The following DIAPH2 variants were observed in gnomAD, a reference collection of about 807,000 sequenced individuals.
The protein encoded by DIAPH2 is protein diaphanous homolog 2.
In DIAPH2, 35 loss-of-function variants were observed where a neutral mutation model predicts 92.7. The ratio of observed to expected loss-of-function variants is 0.38; its 90% CI spans 0.29 to 0.50. The LOEUF is 0.50. Ranked by LOEUF, DIAPH2 falls within the 20% of genes least tolerant of loss-of-function variation. DIAPH2 has a pLI of 0.94. For synonymous variants in DIAPH2, 301 were observed against 280.4 expected (o/e 1.07, Z -0.73); for missense variants, 701 against 819.5 (o/e 0.86, Z 1.77).
chrX:97,583,056 A>T lies in DIAPH2; in HGVS notation c.3242-16197A>T, dbSNP rs763314040. Among the ~76,000 whole-genome samples, 26 of 111,135 alleles carry T rather than the reference A, an allele frequency of 2.3e-4. No individual in the cohort carries two copies. The South Asian group carries it at 3.1e-3, about 13-fold the overall frequency. On this transcript the variant is annotated intron_variant, in intron 26 of 26. Transcript: ENST00000324765. The stretch of plus-strand genomic sequence containing the variant: ...CTTTAAGCACTTCTCTGTATTGGTT[A>T]TTCTAGTTATACATTCTTCTAAATT...
intron 3 of DIAPH2, among the ~76,000 whole-genome samples, chrX:96,750,100 C>T (rs1394300484): frequency 1.0e-5 from 1 of 98,632 alleles, no homozygotes; most frequent in African/African-American, 3.8e-5. Context: ...CTCTGTCACC[C>T]AGGCTGGAGT....
chrX:97,193,528 T>A (rs943264884), intron 22 of DIAPH2, among the ~76,000 whole-genome samples: 20 of 111,735 alleles, frequency 1.8e-4, no homozygotes, highest in Non-Finnish European at 3.4e-4. Flanking sequence ...ATTTAAGGCC[T>A]TTTATTGTCC....
intron 26 of DIAPH2, among the ~76,000 whole-genome samples, chrX:97,432,546 G>A (rs2070137889): frequency 9.0e-6 from 1 of 111,033 alleles, no homozygotes; most frequent in Admixed American, 9.6e-5. Flanking sequence ...CAGTACAGTG[G>A]CATGATCTTG....
chrX:96,768,469 T>G (rs1395345499), intron 4 of DIAPH2, among the ~76,000 whole-genome samples: 1 of 111,858 alleles, frequency 8.9e-6, no homozygotes, highest in East Asian at 2.8e-4. Context: ...GGTGCTGGAA[T>G]GATGAACCAT....
chrX:96,979,429 A>C (rs1332526294), intron 17 of DIAPH2, among the ~76,000 whole-genome samples: 2 of 112,035 alleles, frequency 1.8e-5, no homozygotes, highest in African/African-American at 6.5e-5. Context: ...TTTCACTCCC[A>C]CTAAAATGTA....
intron 22 of DIAPH2, among the ~76,000 whole-genome samples, chrX:97,153,839 A>G (rs1050826660): frequency 1.6e-4 from 18 of 111,317 alleles, no homozygotes; most frequent in Admixed American, 7.7e-4. Context: ...AAAATTTCCA[A>G]TATCCTATTT....
chrX:96,813,780 T>C (rs752144386), intron 4 of DIAPH2, among the ~76,000 whole-genome samples: 2 of 111,995 alleles, frequency 1.8e-5, no homozygotes, highest in East Asian at 5.6e-4. Flanking sequence ...CCTTCACTTA[T>C]GAAGCTTAGT....
chrX:97,555,976 G>C (rs2071254109), intron 26 of DIAPH2, among the ~76,000 whole-genome samples: 1 of 111,942 alleles, frequency 8.9e-6, no homozygotes, highest in South Asian at 3.8e-4. Flanking sequence ...TCCAGCATTA[G>C]ATGGCCCATT....
rs1169242843 is a variant in DIAPH2, at chrX:97,011,891, CAAAAAAAAAAAAAAA to C, written c.2050+46698_2050+46712del. On this transcript the variant is annotated intron_variant, in intron 17 of 26. Transcript: ENST00000324765. ...TGGTTGACAGAGCAAGACACTGTCT[CAAAAAAAAAAAAAAA>C]AAAAAAAAAAAAAGAGGGATTTGCT... Among the ~76,000 whole-genome samples the C allele has an allele frequency of 6.2e-5, 2 of 32,203 alleles. 1 individual carries two copies. Among genetic ancestry groups the C allele is most frequent in the East Asian group, 2.5e-3 (2 of 797 alleles). The allele number at this position is 32,203 out of a possible 115,157, so 28.0% of individuals were successfully genotyped here.
chrX:96,993,510 T>G (rs1235171603), intron 17 of DIAPH2, among the ~76,000 whole-genome samples: 2 of 111,602 alleles, frequency 1.8e-5, no homozygotes, highest in Non-Finnish European at 3.8e-5. Flanking sequence ...TTGACATGGC[T>G]GGCAGGAAAG....
intron 22 of DIAPH2, among the ~76,000 whole-genome samples, chrX:97,242,939 C>T (rs919471752): frequency 4.6e-5 from 5 of 108,399 alleles, no homozygotes; most frequent in Admixed American, 1.0e-4. Flanking sequence ...GGCGCCCGCC[C>T]CCACGCCTGG....
chrX:97,031,976 C>G, intron 17 of DIAPH2, among the ~76,000 whole-genome samples: 1 of 111,589 alleles, frequency 9.0e-6, no homozygotes, highest in Non-Finnish European at 1.9e-5. Context: ...TCAAGAAACT[C>G]TAAGTTGTTT....
At chrX:96,765,714 C>T (rs981702742) in intron 4 of DIAPH2, among the ~76,000 whole-genome samples, 1 of 110,729 alleles carries the variant, frequency 9.0e-6, no homozygotes, top group South Asian at 3.9e-4. Context: ...TACTATATTT[C>T]CCTCCTCAAA....
chrX:97,148,834 G>A (rs1239716367), intron 22 of DIAPH2, among the ~76,000 whole-genome samples: 1 of 111,619 alleles, frequency 9.0e-6, no homozygotes, highest in Non-Finnish European at 1.9e-5. Context: ...AGGTAAATTA[G>A]AATAAGGAGG....
chrX:96,867,058 G>T lies in DIAPH2; in HGVS notation c.448-14521G>T, dbSNP rs1194714238. On this transcript the variant is annotated intron_variant, in intron 4 of 26. Coordinates refer to ENST00000324765, the MANE Select transcript of DIAPH2 (RefSeq NM_006729.5). Reference sequence around the variant, plus strand: ...TCTGTAAAAGTAATGCCATCATATTGGGTAATGCCATACTGCTGTTTCTAT... The same window carrying T: ...TCTGTAAAAGTAATGCCATCATATTTGGTAATGCCATACTGCTGTTTCTAT... 6.3e-5 allele frequency among the ~76,000 whole-genome samples: 7 copies of T among 111,695 alleles called. No homozygotes were observed. The South Asian group carries it at 2.6e-3, about 42-fold the overall frequency.
intron 22 of DIAPH2, among the ~76,000 whole-genome samples, chrX:97,142,401 A>G (rs1268257917): frequency 9.0e-6 from 1 of 111,438 alleles, no homozygotes; most frequent in Non-Finnish European, 1.9e-5. Context: ...CAACATGAGC[A>G]AGGCAAAGTG....
chrX:97,301,283 T>C (rs1462600385), intron 23 of DIAPH2, among the ~76,000 whole-genome samples: 1 of 111,262 alleles, frequency 9.0e-6, no homozygotes, highest in Non-Finnish European at 1.9e-5. Flanking sequence ...ACATGAGTCA[T>C]GCCCTCTATG....
At chrX:97,081,084 T>G (rs775510941) in intron 19 of DIAPH2, among the ~76,000 whole-genome samples, 6 of 112,214 alleles carry the variant, frequency 5.3e-5, no homozygotes, top group Non-Finnish European at 7.5e-5. Flanking sequence ...ATGTTCATTT[T>G]CATAATTCTT....
chrX:96,685,172 GA>G lies in DIAPH2; in HGVS notation c.119del (p.Asn40ThrfsTer5). 9.9e-7 allele frequency: 1 copy of G among 1,008,780 alleles called. No homozygotes were observed. The highest frequency in any genetic ancestry group is 1.3e-6 in the Non-Finnish European group (1 of 787,860). The allele number at this position is 1,008,780 out of a possible 1,213,427, so 83.1% of individuals were successfully genotyped here. ...GNRAANEEET[K>X]NKPKLNIQIK... Reference sequence around the variant, plus strand: ...ACCGGGCCGCCAATGAAGAGGAAACGAAAAACAAACCCAAATTGGTGAGTGC... The same window carrying G: ...ACCGGGCCGCCAATGAAGAGGAAACGAAAACAAACCCAAATTGGTGAGTGC... On this transcript the variant is annotated frameshift_variant, in exon 1 of 27. Coordinates refer to ENST00000324765, the MANE Select transcript of DIAPH2 (RefSeq NM_006729.5). LOFTEE classifies it high-confidence loss of function.
Sources: allele counts gnomAD v4.1 joint callset (sites outside exome capture counted in the v4.1 genomes callset), GRCh38; gene constraint gnomAD v4.1.1; transcripts MANE v1.5; gene names NCBI Gene and HGNC (gene_info 2026-07-23, HGNC 2026-07-21).